Variants in PEX2 observed in about 807,000 individuals in gnomAD.
PEX2 encodes peroxisome biogenesis factor 2.
A neutral mutation model predicts 25.2 loss-of-function variants in PEX2; 19 were observed. The observed-to-expected ratio is 0.75, with a 90% CI of 0.53 to 1.10. PEX2 has a LOEUF of 1.10. Ranked by LOEUF, PEX2 falls within the 50% of genes least tolerant of loss-of-function variation. The pLI, the probability that PEX2 is intolerant of heterozygous loss-of-function variation, is 0.00. For missense variants in PEX2, 347 were observed against 350.6 expected, an observed-to-expected ratio of 0.99 and a Z score of 0.08; for synonymous variants, 141 against 127.7, an observed-to-expected ratio of 1.10 and a Z score of -0.70.
At chr8:76,985,175 C>A (rs1444873057) in intron 3 of PEX2, among the ~76,000 whole-genome samples, 35 of 138,682 alleles carry the variant, frequency 2.5e-4, no homozygotes, top group Non-Finnish European at 2.5e-4. Context: ...CCACCCATGA[C>A]AAAAAAAAAA....
At chr8:76,997,153 T>C (rs920548810) in intron 1 of PEX2, among the ~76,000 whole-genome samples, 1 of 152,232 alleles carries the variant, frequency 6.6e-6, no homozygotes. Flanking sequence ...TTTGTCTATA[T>C]TCCTTCTCCC....
upstream of PEX2, chr8:77,000,180 G>A (rs1401714584): frequency 3.2e-6 from 1 of 309,866 alleles, no homozygotes; most frequent in African/African-American, 2.2e-5. Flanking sequence ...GCGCTTTAGC[G>A]GCGCTGCTGA....
chr8:76,997,675 T>C (rs1290961827), intron 1 of PEX2, among the ~76,000 whole-genome samples: 1 of 152,246 alleles, frequency 6.6e-6, no homozygotes, highest in African/African-American at 2.4e-5. Flanking sequence ...GATGGAATTT[T>C]ATCTCATCTT....
At position 76,981,776 on chromosome 8, in the gene PEX2, T is replaced by A. The variant is rs904275605; in HGVS notation, c.*1485A>T. On this transcript the variant is annotated 3_prime_UTR_variant, in exon 4 of 4. Coordinates refer to ENST00000357039, the MANE Select transcript of PEX2 (RefSeq NM_000318.3). ...TGATTTTATATTTTTTCCTGAATTG[T>A]TGGTGTTTTCTACAATAATGTTTTA... 4 of 152,198 alleles carry A rather than the reference T, an allele frequency of 2.6e-5. No individual in the cohort carries two copies. Among genetic ancestry groups the A allele is most frequent in the African/African-American group, 9.6e-5 (4 of 41,460 alleles). The allele number at this position is 152,198 out of a possible 1,614,324, so 9.4% of individuals were successfully genotyped here.
chr8:76,987,446 AG>A (rs1807039042), intron 2 of PEX2, among the ~76,000 whole-genome samples: 1 of 152,182 alleles, frequency 6.6e-6, no homozygotes, highest in African/African-American at 2.4e-5. Flanking sequence ...AAGGCTGGAA[AG>A]AAGCAGGAGA....
intron 1 of PEX2, among the ~76,000 whole-genome samples, chr8:76,995,481 A>G (rs952101502): frequency 6.6e-6 from 1 of 152,156 alleles, no homozygotes; most frequent in Non-Finnish European, 1.5e-5. Context: ...CTGCCCTAGA[A>G]GAGGGGAAAA....
At position 76,981,217 on chromosome 8, in the gene PEX2, T is replaced by A. The variant is rs1806815224; in HGVS notation, c.*2044A>T. ...TGGGTGCAGTGGCTCATGCCTGTAA[T>A]CCCACAACTTTGGGAGGCCAGGGTA... On this transcript the variant is annotated 3_prime_UTR_variant, in exon 4 of 4. Transcript: ENST00000357039. 6.6e-6 allele frequency: 1 copy of A among 152,270 alleles called. No individual in the cohort carries two copies. The highest frequency in any genetic ancestry group is 2.4e-5 in the African/African-American group (1 of 41,444). 9.4% of individuals were successfully genotyped at this position (152,270 alleles called of 1,614,324 possible).
In PEX2 at chr8:76,983,549, A is replaced by G. The variant is rs757675887; in HGVS notation, c.630T>C (p.Leu210=). 3 of 1,614,004 alleles carry G rather than the reference A, an allele frequency of 1.9e-6. No homozygotes were observed. The stretch of plus-strand genomic sequence containing the variant: ...TGGCTTTCAACTTCTGGACATTGAT[A>G]AGTGGTAAGAGAAAAATCAGAAATT... ...FAEFLIFLLP[L]INVQKLKAKL... is the part of the protein sequence containing the mutation. The change falls in exon 4 of 4, where the codon CTT becomes CTC. Residue 210 remains leucine (L), a synonymous_variant. Coordinates refer to ENST00000357039, the MANE Select transcript of PEX2 (RefSeq NM_000318.3).
chr8:76,984,895 C>T (rs1806960607), intron 3 of PEX2, among the ~76,000 whole-genome samples: 1 of 151,782 alleles, frequency 6.6e-6, no homozygotes. Context: ...GTATATATCA[C>T]ACAGTACTCT....
chr8:76,983,192 C>G lies in PEX2; in HGVS notation c.*69G>C. ...TTATAAAGGATACATAAATGGTATA[C>G]TTAGGATGACTAATATTAAGAATTT... On this transcript the variant is annotated 3_prime_UTR_variant, in exon 4 of 4. Coordinates refer to ENST00000357039, the MANE Select transcript of PEX2 (RefSeq NM_000318.3). 1.3e-6 allele frequency: 2 copies of G among 1,599,660 alleles called. No individual in the cohort carries two copies. Among genetic ancestry groups the G allele is most frequent in the Non-Finnish European group, 1.7e-6 (2 of 1,179,526 alleles).
intron 1 of PEX2, among the ~76,000 whole-genome samples, chr8:76,988,903 A>T (rs192544273): frequency 6.6e-6 from 1 of 151,998 alleles, no homozygotes; most frequent in Non-Finnish European, 1.5e-5. Context: ...TATCCATAAG[A>T]AGCAACTCAC....
chr8:76,984,217 G>T (rs1287375853), intron 3 of PEX2, 22 bp from the exon 4 acceptor site: 2 of 1,594,304 alleles, frequency 1.3e-6, no homozygotes, highest in Admixed American at 3.3e-5. Flanking sequence ...TACAATTGAA[G>T]AACATTAGCA....
chr8:76,987,257 A>C (rs1055952225), intron 2 of PEX2, among the ~76,000 whole-genome samples: 5 of 152,180 alleles, frequency 3.3e-5, no homozygotes, highest in Admixed American at 1.3e-4. Context: ...TATGCAAGGG[A>C]AAATTCAGGG....
At position 76,983,384 on chromosome 8, in the gene PEX2, A is replaced by G. The variant is rs764785488; in HGVS notation, c.795T>C (p.Tyr265=). ...ATAAGAAACTACTCTTAGCACAGAA[A>G]TAACAGAAAATATGCTCACATCCTA... ...HTIGCEHIFC[Y]FCAKSSFLFD... The change falls in exon 4 of 4, where the codon TAT becomes TAC. Residue 265 remains tyrosine (Y), a synonymous_variant. Coordinates refer to ENST00000357039, the MANE Select transcript of PEX2 (RefSeq NM_000318.3). 28 of 1,614,012 alleles carry G rather than the reference A, an allele frequency of 1.7e-5. No homozygotes were observed. The Admixed American group carries it at 3.0e-4, about 17-fold the overall frequency.
intron 1 of PEX2, 176 bp downstream of exon 1, chr8:76,999,814 C>T (rs1355908006): frequency 4.4e-6 from 2 of 456,540 alleles, no homozygotes; most frequent in Non-Finnish European, 8.8e-6. Flanking sequence ...AGGTTTGCTT[C>T]ACTGCCTTTC....
At chr8:76,989,802 A>T (rs1807114549) in intron 1 of PEX2, among the ~76,000 whole-genome samples, 1 of 152,224 alleles carries the variant, frequency 6.6e-6, no homozygotes, top group Non-Finnish European at 1.5e-5. Context: ...GTACAGGCAG[A>T]GTAGTTCTAG....
rs556874102 is a variant in PEX2 at position 76,987,083 on chromosome 8, T to C, written c.-127-787A>G. ...AAGATGATTATTACTAATTTCACCA[T>C]GTTTATTGTGCATCTGTTATTTACC... On this transcript the variant is annotated intron_variant, in intron 2 of 3. Transcript: ENST00000357039. Among the ~76,000 whole-genome samples, 3 of 152,360 alleles carry C rather than the reference T, an allele frequency of 2.0e-5. No individual in the cohort carries two copies. The South Asian group carries it at 6.2e-4, about 32-fold the overall frequency.
intron 2 of PEX2, among the ~76,000 whole-genome samples, chr8:76,987,615 G>C (rs1400382339): frequency 6.6e-6 from 1 of 152,122 alleles, no homozygotes; most frequent in East Asian, 1.9e-4. Flanking sequence ...GAGGCTGAGA[G>C]AAAGACTGGA....
chr8:76,992,214 T>C (rs1807192085), intron 1 of PEX2, among the ~76,000 whole-genome samples: 1 of 152,172 alleles, frequency 6.6e-6, no homozygotes, highest in South Asian at 2.1e-4. Context: ...AGAAAAGAGA[T>C]GGGTTCCCGC....
Sources: gnomAD v4.1 joint callset for allele counts (sites outside exome capture counted in the v4.1 genomes callset) on GRCh38, gnomAD v4.1.1 for gene constraint, MANE v1.5 for transcripts, NCBI Gene and HGNC (gene_info 2026-07-23, HGNC 2026-07-21) for gene names.